ATRNL1: variants seen among roughly 807,000 people sequenced by gnomAD.
ATRNL1 encodes attractin-like protein 1.
ATRNL1 carries 95 observed loss-of-function variants against 182.7 expected under a neutral mutation model. The ratio of observed to expected loss-of-function variants is 0.52; its 90% CI spans 0.44 to 0.62. ATRNL1 has a LOEUF of 0.62. ATRNL1 is among the 20% of genes least tolerant of loss of function. The pLI is 0.00. For synonymous variants in ATRNL1, 576 were observed against 568.3 expected (o/e 1.01, Z -0.19); for missense variants, 1,471 against 1,679.5 (o/e 0.88, Z 2.17).
intron 26 of ATRNL1, among the ~76,000 whole-genome samples, chr10:115,702,806 A>G (rs1474770530): frequency 6.6e-6 from 1 of 151,926 alleles, no homozygotes; most frequent in African/African-American, 2.4e-5. Flanking sequence ...AATGAAAAAC[A>G]TTCTGTACTC....
intron 24 of ATRNL1, among the ~76,000 whole-genome samples, chr10:115,493,798 A>G (rs577384645): frequency 6.6e-6 from 1 of 152,320 alleles, no homozygotes; most frequent in Admixed American, 6.5e-5. Flanking sequence ...ACTTTTTAAT[A>G]GTAGATATTC....
chr10:115,461,421 A>C (rs1376954834), intron 21 of ATRNL1, among the ~76,000 whole-genome samples: 3 of 152,102 alleles, frequency 2.0e-5, no homozygotes, highest in Non-Finnish European at 4.4e-5. Flanking sequence ...AATCATTTTA[A>C]AATTACTAAA....
chr10:115,477,173 C>A (rs1481136929), intron 24 of ATRNL1, among the ~76,000 whole-genome samples: 1 of 151,384 alleles, frequency 6.6e-6, no homozygotes, highest in African/African-American at 2.4e-5. Context: ...TTAATAATAA[C>A]CCAAATTCTT....
rs566008922 is a variant in ATRNL1 at position 115,524,339 on chromosome 10, T to C, written c.3716+5015T>C. On this transcript the variant is annotated intron_variant, in intron 25 of 28. Transcript: ENST00000355044. ...CCTTTCATATATTGAACTAAAGGTT[T>C]TTTTTTCTTGTTGTTGCTGTGAAAT... 2.3e-3 allele frequency among the ~76,000 whole-genome samples: 355 copies of C among 152,310 alleles called. 6 individuals carry two copies. Among genetic ancestry groups the C allele is most frequent in the African/African-American group, 8.2e-3 (339 of 41,566 alleles).
chr10:115,825,611 C>A (rs2134295673), intron 27 of ATRNL1, among the ~76,000 whole-genome samples: 1 of 152,194 alleles, frequency 6.6e-6, no homozygotes, highest in African/African-American at 2.4e-5. Context: ...CCTTTGAGAT[C>A]TGTCCACACT....
intron 19 of ATRNL1, among the ~76,000 whole-genome samples, chr10:115,387,457 T>C (rs1554953012): frequency 2.6e-5 from 4 of 152,214 alleles, no homozygotes; most frequent in African/African-American, 9.7e-5. Context: ...TTGTTTTCTA[T>C]TGAGGTACAA....
chr10:115,249,846 C>A (rs573268759), intron 10 of ATRNL1, among the ~76,000 whole-genome samples: 1 of 152,138 alleles, frequency 6.6e-6, no homozygotes, highest in South Asian at 2.1e-4. Flanking sequence ...AACCTAAGTG[C>A]TCCAGAAATA....
intron 28 of ATRNL1, among the ~76,000 whole-genome samples, chr10:115,896,030 G>A (rs1427542164): frequency 1.3e-5 from 2 of 152,306 alleles, no homozygotes; most frequent in Non-Finnish European, 2.9e-5. Context: ...ATGTGTACAA[G>A]GAGCCCAGTT....
intron 24 of ATRNL1, among the ~76,000 whole-genome samples, chr10:115,479,450 G>A (rs1848667223): frequency 6.6e-6 from 1 of 151,464 alleles, no homozygotes; most frequent in African/African-American, 2.4e-5. Flanking sequence ...ATTAATTTAT[G>A]TACTTTGGAA....
In ATRNL1 at chr10:115,469,218, T is replaced by C; in HGVS notation, c.3543T>C (p.Asn1181=). 1 of 1,426,686 alleles carries C rather than the reference T, an allele frequency of 7.0e-7. No individual in the cohort carries two copies. Among genetic ancestry groups the C allele is most frequent in the Non-Finnish European group, 9.4e-7 (1 of 1,061,750 alleles). The allele number at this position is 1,426,686 out of a possible 1,614,324, so 88.4% of individuals were successfully genotyped here. ...AGACTTCTATAGTTTCCAAGAATAA[T>C]ATAAAGGAATACAGAGATAGTTTTT... is the stretch of plus-strand genomic sequence containing the variant. ...GEETSIVSKN[N]IKEYRDSFSY... is the part of the protein sequence containing the mutation. Residue 1181 remains asparagine (N), a synonymous_variant, in exon 24 of 29, where the codon AAT becomes AAC. Coordinates refer to ENST00000355044, the MANE Select transcript of ATRNL1 (RefSeq NM_207303.4).
intron 10 of ATRNL1, among the ~76,000 whole-genome samples, chr10:115,244,071 A>T (rs931372691): frequency 7.2e-5 from 11 of 152,140 alleles, no homozygotes; most frequent in Admixed American, 2.6e-4. Context: ...GTGGAAATAG[A>T]TATAAGCATT....
intron 5 of ATRNL1, among the ~76,000 whole-genome samples, chr10:115,133,438 A>G (rs1283799818): frequency 6.6e-6 from 1 of 152,234 alleles, no homozygotes; most frequent in African/African-American, 2.4e-5. Context: ...ACAAACATCA[A>G]AAGAGATAAA....
intron 24 of ATRNL1, among the ~76,000 whole-genome samples, chr10:115,506,802 C>A (rs548124912): frequency 1.2e-4 from 18 of 152,106 alleles, no homozygotes; most frequent in Admixed American, 3.3e-4. Context: ...TATCAAGCAC[C>A]AATAGGAGAT....
At chr10:115,615,309 C>T (rs1857375268) in intron 26 of ATRNL1, among the ~76,000 whole-genome samples, 3 of 152,030 alleles carry the variant, frequency 2.0e-5, no homozygotes, top group Admixed American at 6.6e-5. Context: ...GATGAATTCC[C>T]TCAGTTTTTG....
At chr10:115,701,230 G>T (rs1002951393) in intron 26 of ATRNL1, among the ~76,000 whole-genome samples, 5 of 151,838 alleles carry the variant, frequency 3.3e-5, no homozygotes, top group Admixed American at 6.6e-5. Flanking sequence ...CAAAATTAAG[G>T]CAGGAATCAA....
intron 26 of ATRNL1, among the ~76,000 whole-genome samples, chr10:115,659,708 A>G (rs782495132): frequency 6.6e-6 from 1 of 152,110 alleles, no homozygotes; most frequent in Non-Finnish European, 1.5e-5. Context: ...ACACATAATC[A>G]TTGGAGACAT....
chr10:115,937,737 G>C (rs1344841617), intron 28 of ATRNL1, among the ~76,000 whole-genome samples: 1 of 152,094 alleles, frequency 6.6e-6, no homozygotes, highest in Non-Finnish European at 1.5e-5. Flanking sequence ...ATCCCAGCAT[G>C]GTATTTCCAT....
chr10:115,809,566 A>G (rs541610774), intron 27 of ATRNL1, among the ~76,000 whole-genome samples: 1 of 152,042 alleles, frequency 6.6e-6, no homozygotes, highest in Non-Finnish European at 1.5e-5. Context: ...TATAAATGGT[A>G]GCTTTTTTCA....
chr10:115,660,422 A>G (rs921601058), intron 26 of ATRNL1, among the ~76,000 whole-genome samples: 1 of 152,144 alleles, frequency 6.6e-6, no homozygotes, highest in Non-Finnish European at 1.5e-5. Context: ...TAGTAATTAT[A>G]TAGATAAGTG....
Sources: allele counts gnomAD v4.1 joint callset (sites outside exome capture counted in the v4.1 genomes callset), GRCh38; gene constraint gnomAD v4.1.1; transcripts MANE v1.5; gene names NCBI Gene and HGNC (gene_info 2026-07-23, HGNC 2026-07-21).